Variants in EVL observed in about 807,000 individuals in gnomAD.
The protein encoded by EVL is ena/VASP-like protein.
In EVL, 21 loss-of-function variants were observed where a neutral mutation model predicts 59.6. The ratio of observed to expected loss-of-function variants is 0.35; its 90% CI spans 0.25 to 0.51. The LOEUF is 0.51. EVL is among the 20% of genes least tolerant of loss of function. EVL has a pLI of 0.97. For synonymous variants in EVL, 198 were observed against 203.5 expected (o/e 0.97, Z 0.23); for missense variants, 462 against 546.6 (o/e 0.85, Z 1.54).
intron 9 of EVL, 79 bp downstream of exon 9, chr14:100,136,047 C>T: frequency 6.7e-7 from 1 of 1,496,380 alleles, no homozygotes; most frequent in Non-Finnish European, 9.3e-7. Flanking sequence ...ACAGGACCCT[C>T]TGATCCAGCC....
At chr14:100,055,335 T>G (rs1305113492) in intron 1 of EVL, among the ~76,000 whole-genome samples, 1 of 152,220 alleles carries the variant, frequency 6.6e-6, no homozygotes, top group Non-Finnish European at 1.5e-5. Flanking sequence ...TTCTGTCTAT[T>G]GTACCATGTG....
At chr14:100,141,130 C>T in intron 11 of EVL, 50 bp from the exon 12 acceptor site, 4 of 1,592,526 alleles carry the variant, frequency 2.5e-6, no homozygotes, top group African/African-American at 1.3e-5. Flanking sequence ...AGCCAGCTTT[C>T]CCCCACACCT....
At chr14:100,095,260 T>G (rs1286089339) in intron 2 of EVL, among the ~76,000 whole-genome samples, 1 of 152,176 alleles carries the variant, frequency 6.6e-6, no homozygotes, top group East Asian at 1.9e-4. Flanking sequence ...TTTTAAAGCA[T>G]TTTCCTCTGG....
At chr14:100,143,625 G>C in intron 13 of EVL, 76 bp from the exon 14 acceptor site, 2 of 1,576,156 alleles carry the variant, frequency 1.3e-6, no homozygotes, top group East Asian at 2.3e-5. Context: ...GTCCACGCCA[G>C]GGGTGCGGGG....
At chr14:100,094,956 G>A (rs996083313) in intron 2 of EVL, among the ~76,000 whole-genome samples, 6 of 142,206 alleles carry the variant, frequency 4.2e-5, no homozygotes, top group Non-Finnish European at 7.7e-5. Flanking sequence ...CAGGAGAAAC[G>A]TTTGAACCCG....
rs1042675323 is a variant in EVL, at chr14:100,018,063, T to C, written c.5+46006T>C. Among the ~76,000 whole-genome samples, 11 of 152,376 alleles carry C rather than the reference T, an allele frequency of 7.2e-5. No homozygotes were observed. The East Asian group carries it at 1.9e-3, about 27-fold the overall frequency. On this transcript the variant is annotated intron_variant, in intron 1 of 13. Transcript: ENST00000402714. Reference sequence around the variant, plus strand: ...AAACCTTATGTGAATAATTCCTTTTTGTCAAGTGCTATGTCAGGCATTGGG... The same window carrying C: ...AAACCTTATGTGAATAATTCCTTTTCGTCAAGTGCTATGTCAGGCATTGGG...
chr14:100,044,454 G>T (rs1015708123), intron 1 of EVL, among the ~76,000 whole-genome samples: 4 of 152,120 alleles, frequency 2.6e-5, no homozygotes, highest in African/African-American at 9.7e-5. Context: ...ATTAAAACTG[G>T]CAAGAAGACT....
At chr14:100,036,254 C>A (rs549497380) in intron 1 of EVL, among the ~76,000 whole-genome samples, 1 of 152,280 alleles carries the variant, frequency 6.6e-6, no homozygotes, top group African/African-American at 2.4e-5. Flanking sequence ...CCACCCCAGT[C>A]CATGGAAAAA....
chr14:100,124,654 C>T (rs1341070324), intron 4 of EVL, among the ~76,000 whole-genome samples: 1 of 152,208 alleles, frequency 6.6e-6, no homozygotes, highest in Non-Finnish European at 1.5e-5. Flanking sequence ...AGCTCCCTGC[C>T]GGGACCCAAG....
intron 4 of EVL, among the ~76,000 whole-genome samples, chr14:100,126,323 A>G (rs950192469): frequency 2.6e-5 from 4 of 152,226 alleles, no homozygotes; most frequent in Non-Finnish European, 2.9e-5. Context: ...CTGTCCCAGG[A>G]AGCTTGGCCA....
chr14:100,049,069 AAAACC>A (rs2061604395), intron 1 of EVL, among the ~76,000 whole-genome samples: 1 of 152,206 alleles, frequency 6.6e-6, no homozygotes, highest in African/African-American at 2.4e-5. Flanking sequence ...AAATAAAAGC[AAAACC>A]AAACCAAGCA....
At chr14:99,989,325 CTTAT>C (rs112564547) in intron 1 of EVL, among the ~76,000 whole-genome samples, 3,112 of 152,072 alleles carry the variant, frequency 0.02, 98 homozygotes, top group African/African-American at 0.072. Context: ...GGCCGTGATA[CTTAT>C]TTAAGTCAGG....
At chr14:100,092,097 G>T (rs1408928856) in intron 2 of EVL, among the ~76,000 whole-genome samples, 1 of 151,914 alleles carries the variant, frequency 6.6e-6, no homozygotes, top group Non-Finnish European at 1.5e-5. Context: ...TTGTAAATTA[G>T]CTAGGCATGG....
At chr14:100,112,595 A>T (rs1887074783) in intron 3 of EVL, among the ~76,000 whole-genome samples, 3 of 152,146 alleles carry the variant, frequency 2.0e-5, no homozygotes, top group Non-Finnish European at 4.4e-5. Context: ...GCCATGCCCC[A>T]GATGTGCCAA....
chr14:100,116,338 A>G (rs1401125718), intron 3 of EVL, among the ~76,000 whole-genome samples: 1 of 152,188 alleles, frequency 6.6e-6, no homozygotes, highest in East Asian at 1.9e-4. Context: ...TTTGTTGGCC[A>G]GAAATTCCAT....
At chr14:100,073,707 C>T (rs2062098790) in intron 1 of EVL, among the ~76,000 whole-genome samples, 1 of 152,144 alleles carries the variant, frequency 6.6e-6, no homozygotes. Context: ...ACCCCCACCA[C>T]AAAAATCCGT....
At chr14:100,016,386 G>T (rs1441509224) in intron 1 of EVL, among the ~76,000 whole-genome samples, 1 of 152,126 alleles carries the variant, frequency 6.6e-6, no homozygotes, top group Non-Finnish European at 1.5e-5. Flanking sequence ...AAAATTAGCT[G>T]GGTGTGGCGG....
chr14:99,978,794 G>A (rs922635763), intron 1 of EVL, among the ~76,000 whole-genome samples: 4 of 152,182 alleles, frequency 2.6e-5, no homozygotes, highest in Non-Finnish European at 5.9e-5. Context: ...ATGAGAGTAC[G>A]TAGATATGAC....
At position 100,126,832 on chromosome 14, in the gene EVL, C is replaced by T. The variant is rs980149686; in HGVS notation, c.487+61C>T. The T allele has an allele frequency of 9.0e-6, 14 of 1,550,850 alleles. No individual in the cohort carries two copies. In the East Asian group the frequency reaches 1.1e-4, roughly 12 times the overall value. On this transcript the variant is annotated intron_variant, in intron 5 of 13. Coordinates refer to ENST00000392920, the MANE Select transcript of EVL (RefSeq NM_016337.3). ...CTGCTGCCAGGTGGCAGCCCCTCCA[C>T]GTAGATGAGGCCCAGGGACACACGG... is the stretch of plus-strand genomic sequence containing the variant.
Sources: allele counts gnomAD v4.1 joint callset (sites outside exome capture counted in the v4.1 genomes callset), GRCh38; gene constraint gnomAD v4.1.1; transcripts MANE v1.5; gene names NCBI Gene and HGNC (gene_info 2026-07-23, HGNC 2026-07-21).